RPRD1A: variants seen among roughly 807,000 people sequenced by gnomAD.
RPRD1A encodes regulation of nuclear pre-mRNA domain containing 1A.
RPRD1A carries 9 observed loss-of-function variants against 37.8 expected under a neutral mutation model. The observed-to-expected ratio is 0.24, with a 90% CI of 0.14 to 0.42. The LOEUF (loss-of-function observed/expected upper bound fraction) is 0.42. Ranked by LOEUF, RPRD1A falls within the 10% of genes least tolerant of loss-of-function variation. The probability of loss-of-function intolerance (pLI) is 1.00; values close to 1 mark genes in which losing one functional copy is unlikely to be tolerated. For missense variants in RPRD1A, 255 were observed against 371.0 expected, an observed-to-expected ratio of 0.69 and a Z score of 2.57; for synonymous variants, 138 against 139.7, an observed-to-expected ratio of 0.99 and a Z score of 0.08.
intron 1 of RPRD1A, among the ~76,000 whole-genome samples, chr18:36,039,760 T>C (rs1259505623): frequency 6.6e-6 from 1 of 152,204 alleles, no homozygotes; most frequent in Admixed American, 6.5e-5. Flanking sequence ...AATAAACAGC[T>C]AAAATCCTGT....
chr18:36,062,522 G>A (rs1238376888), intron 1 of RPRD1A, among the ~76,000 whole-genome samples: 1 of 150,686 alleles, frequency 6.6e-6, no homozygotes, highest in Non-Finnish European at 1.5e-5. Context: ...TAGCCAAAAA[G>A]CGGAAACAAC....
At chr18:36,029,775 A>G (rs992784749) in intron 4 of RPRD1A, among the ~76,000 whole-genome samples, 14 of 152,292 alleles carry the variant, frequency 9.2e-5, no homozygotes, top group African/African-American at 3.1e-4. Context: ...AGTTACAAAG[A>G]AATGTATGAA....
At chr18:36,038,422 C>T (rs935769829) in intron 1 of RPRD1A, among the ~76,000 whole-genome samples, 1 of 152,236 alleles carries the variant, frequency 6.6e-6, no homozygotes, top group Non-Finnish European at 1.5e-5. Flanking sequence ...GATTGTGGGC[C>T]TGTGGATGCA....
intron 1 of RPRD1A, among the ~76,000 whole-genome samples, chr18:36,038,307 T>C (rs1912340757): frequency 6.6e-6 from 1 of 152,344 alleles, no homozygotes; most frequent in East Asian, 1.9e-4. Flanking sequence ...TTTGGTGCCC[T>C]ACCTCCCAGC....
chr18:36,015,415 G>A (rs1910484137), intron 6 of RPRD1A, among the ~76,000 whole-genome samples: 1 of 152,028 alleles, frequency 6.6e-6, no homozygotes, highest in Admixed American at 6.5e-5. Flanking sequence ...GTTTCACCAT[G>A]TTGGCCAGGC....
intron 2 of RPRD1A, among the ~76,000 whole-genome samples, chr18:36,033,088 G>C (rs1283259019): frequency 6.6e-6 from 1 of 152,004 alleles, no homozygotes; most frequent in Non-Finnish European, 1.5e-5. Flanking sequence ...TGGATCACGA[G>C]GTCAGGAGTT....
chr18:36,013,293 T>A (rs947454626), intron 6 of RPRD1A, among the ~76,000 whole-genome samples: 1 of 151,930 alleles, frequency 6.6e-6, no homozygotes, highest in Non-Finnish European at 1.5e-5. Context: ...AGAATTAGTA[T>A]AACAAAAAAT....
intron 6 of RPRD1A, among the ~76,000 whole-genome samples, chr18:35,993,960 T>A (rs547602301): frequency 6.6e-6 from 1 of 152,192 alleles, no homozygotes; most frequent in Non-Finnish European, 1.5e-5. Context: ...CTGAGAATAC[T>A]TGGGCCCTGA....
In RPRD1A at chr18:36,052,015, C is replaced by T. The variant is rs149343075; in HGVS notation, c.151+15239G>A. 1.9e-3 allele frequency among the ~76,000 whole-genome samples: 296 copies of T among 152,146 alleles called. 1 individual carries two copies. The highest frequency in any genetic ancestry group is 6.9e-3 in the African/African-American group (287 of 41,524). On this transcript the variant is annotated intron_variant, in intron 1 of 6. Transcript: ENST00000399022. ...CAAGCAAGATAAACTCAAACCCACA[C>T]TAAGACACATTATAATCAGTCAAAA...
At chr18:36,046,689 A>G (rs1912978432) in intron 1 of RPRD1A, among the ~76,000 whole-genome samples, 1 of 151,796 alleles carries the variant, frequency 6.6e-6, no homozygotes, top group Non-Finnish European at 1.5e-5. Context: ...AAACAAAATC[A>G]GCCAGGCGTG....
chr18:36,014,098 T>C (rs982726047), intron 6 of RPRD1A, among the ~76,000 whole-genome samples: 2 of 152,194 alleles, frequency 1.3e-5, no homozygotes, highest in Admixed American at 6.5e-5. Flanking sequence ...AAAGAATATA[T>C]GTATTTGGAC....
intron 6 of RPRD1A, chr18:36,025,855 A>T (rs1422237319): frequency 7.2e-5 from 16 of 223,194 alleles, no homozygotes; most frequent in East Asian, 2.3e-4. Flanking sequence ...TTCATCTTTT[A>T]AAAAAAAAAA....
chr18:35,996,253 CTAAAAT>C (rs1731711800), intron 6 of RPRD1A, among the ~76,000 whole-genome samples: 1 of 151,780 alleles, frequency 6.6e-6, no homozygotes, highest in African/African-American at 2.4e-5. Flanking sequence ...TAAAATTATT[CTAAAAT>C]TAAAACTTTT....
At chr18:36,060,848 G>A (rs969637291) in intron 1 of RPRD1A, among the ~76,000 whole-genome samples, 3 of 151,956 alleles carry the variant, frequency 2.0e-5, no homozygotes, top group Non-Finnish European at 4.4e-5. Flanking sequence ...GAAAAAATAA[G>A]CCCAGCATGG....
rs549775390 is a variant in RPRD1A at position 36,067,521 on chromosome 18, C to T, written c.-117G>A. On this transcript the variant is annotated 5_prime_UTR_variant, in exon 1 of 7. Transcript: ENST00000399022. ...ACCCTTCCCCACGCTCTCACCACGG[C>T]CGCCGCTTCATCCAAGACCGGCCGC... 3.1e-4 allele frequency: 350 copies of T among 1,121,134 alleles called. 2 individuals carry two copies. In the South Asian group the frequency reaches 5.2e-3, roughly 17 times the overall value. 69.4% of individuals were successfully genotyped at this position (1,121,134 alleles called of 1,614,324 possible).
chr18:36,054,804 G>C (rs1913647354), intron 1 of RPRD1A, among the ~76,000 whole-genome samples: 1 of 151,558 alleles, frequency 6.6e-6, no homozygotes, highest in South Asian at 2.1e-4. Context: ...GCAAACTGGA[G>C]ACCTGGAAGA....
chr18:36,019,251 G>A (rs1910823576), intron 6 of RPRD1A, among the ~76,000 whole-genome samples: 1 of 152,026 alleles, frequency 6.6e-6, no homozygotes, highest in Non-Finnish European at 1.5e-5. Flanking sequence ...GGGACTACAG[G>A]AGCCCACCAC....
At chr18:36,061,177 T>C (rs1267326947) in intron 1 of RPRD1A, among the ~76,000 whole-genome samples, 1 of 152,206 alleles carries the variant, frequency 6.6e-6, no homozygotes, top group South Asian at 2.1e-4. Context: ...TAACTAAAGA[T>C]TTCCTCCTTC....
At chr18:36,055,836 G>T (rs1003089365) in intron 1 of RPRD1A, among the ~76,000 whole-genome samples, 9 of 152,072 alleles carry the variant, frequency 5.9e-5, no homozygotes, top group Non-Finnish European at 1.5e-5. Flanking sequence ...GTATAACAGT[G>T]CAACATGAGT....
Sources: gnomAD v4.1 joint callset for allele counts (sites outside exome capture counted in the v4.1 genomes callset) on GRCh38, gnomAD v4.1.1 for gene constraint, MANE v1.5 for transcripts, NCBI Gene and HGNC (gene_info 2026-07-23, HGNC 2026-07-21) for gene names.